Variants in C9orf85 observed in about 807,000 individuals in gnomAD.
The protein encoded by C9orf85 is chromosome 9 open reading frame 85.
A neutral mutation model predicts 14.9 loss-of-function variants in C9orf85; 16 were observed. That is an observed-to-expected ratio of 1.08 (90% confidence interval 0.73 to 1.63). C9orf85 has a LOEUF of 1.63. C9orf85 is among the 40% of genes most tolerant of loss of function. The probability of loss-of-function intolerance (pLI) is 0.00; values close to 1 mark genes in which losing one functional copy is unlikely to be tolerated. For synonymous variants in C9orf85, 45 were observed against 56.8 expected, an observed-to-expected ratio of 0.79 and a Z score of 0.93; for missense variants, 172 against 186.1, an observed-to-expected ratio of 0.92 and a Z score of 0.44.
chr9:71,943,712 T>C (rs970850997), intron 1 of C9orf85, among the ~76,000 whole-genome samples: 2 of 151,832 alleles, frequency 1.3e-5, no homozygotes, highest in Non-Finnish European at 2.9e-5. Context: ...CGGCTAATTT[T>C]GTACTTTTAG....
At chr9:71,927,092 T>G (rs138058339) in intron 1 of C9orf85, among the ~76,000 whole-genome samples, 260 of 151,802 alleles carry the variant, frequency 1.7e-3, no homozygotes, top group African/African-American at 6.0e-3. Flanking sequence ...ACAAAAGAGG[T>G]TAACTACAAA....
At chr9:71,982,490 C>A (rs922616120) in intron 3 of C9orf85, among the ~76,000 whole-genome samples, 4 of 152,144 alleles carry the variant, frequency 2.6e-5, no homozygotes, top group African/African-American at 9.7e-5. Context: ...TAGCTGCACC[C>A]TTTTACAATC....
chr9:71,939,426 T>C (rs996737702), intron 1 of C9orf85, among the ~76,000 whole-genome samples: 4 of 152,072 alleles, frequency 2.6e-5, no homozygotes, highest in Admixed American at 2.0e-4. Context: ...ATGGAATTCA[T>C]CAATGTATAA....
In C9orf85 at chr9:71,924,974, G is replaced by T. The variant is rs181213361; in HGVS notation, c.102+13138G>T. ...TTACTTTTACATATGTAACACTGTT[G>T]CTTGAATTTAAACGCACCAATACAG... On this transcript the variant is annotated intron_variant, in intron 1 of 3. Coordinates refer to ENST00000334731, the MANE Select transcript of C9orf85 (RefSeq NM_182505.5). 3.4e-4 allele frequency among the ~76,000 whole-genome samples: 51 copies of T among 152,164 alleles called. No individual in the cohort carries two copies. The East Asian group carries it at 9.5e-3, about 28-fold the overall frequency.
chr9:71,952,427 C>T (rs1271550795), intron 2 of C9orf85, among the ~76,000 whole-genome samples: 1 of 152,124 alleles, frequency 6.6e-6, no homozygotes, highest in African/African-American at 2.4e-5. Flanking sequence ...TGCAGTGGCA[C>T]GATGTCAGCT....
At chr9:71,930,641 CAA>C (rs770465989) in intron 1 of C9orf85, among the ~76,000 whole-genome samples, 10 of 122,998 alleles carry the variant, frequency 8.1e-5, no homozygotes, top group Admixed American at 8.3e-5. Flanking sequence ...CTGTCTCTAC[CAA>C]AAAAAAAAAA....
chr9:71,977,796 C>T (rs1479972292), downstream of C9orf85, among the ~76,000 whole-genome samples: 3 of 152,104 alleles, frequency 2.0e-5, no homozygotes, highest in Admixed American at 6.6e-5. Flanking sequence ...CTGAATGTTA[C>T]AGGACCACTT....
At chr9:71,968,030 T>TA (rs1347840909) in intron 2 of C9orf85, among the ~76,000 whole-genome samples, 1 of 152,078 alleles carries the variant, frequency 6.6e-6, no homozygotes, top group Non-Finnish European at 1.5e-5. Flanking sequence ...TGAATTTTTT[T>TA]TATTGGCTTT....
chr9:71,921,928 T>TATTA lies in C9orf85; in HGVS notation c.102+10092_102+10093insATTA, dbSNP rs1554705989. 1.6e-3 allele frequency among the ~76,000 whole-genome samples: 180 copies of TATTA among 113,858 alleles called. 1 individual carries two copies. The highest frequency in any genetic ancestry group is 4.8e-3 in the African/African-American group (162 of 33,564). The allele number at this position is 113,858 out of a possible 152,430, so 74.7% of individuals were successfully genotyped here. On this transcript the variant is annotated intron_variant, in intron 1 of 3. Transcript: ENST00000334731. ...GTTTTGGTTGGCTTTTTATTTTTTT[T>TATTA]TTATTATTATTATTATTATTATTAT...
intron 2 of C9orf85, among the ~76,000 whole-genome samples, chr9:71,948,953 G>A (rs2132312560): frequency 6.6e-6 from 1 of 152,226 alleles, no homozygotes; most frequent in South Asian, 2.1e-4. Context: ...TTAGCAGTAA[G>A]GAAATTTGGC....
At chr9:71,982,743 C>G (rs1823120155) in exon 4 of C9orf85, 1 of 351,582 alleles carries the variant, frequency 2.8e-6, no homozygotes, top group South Asian at 2.2e-5. Flanking sequence ...TCAAGTGATT[C>G]TCCTGCCTCA....
At chr9:71,929,783 T>G (rs1043664700) in intron 1 of C9orf85, among the ~76,000 whole-genome samples, 4 of 151,366 alleles carry the variant, frequency 2.6e-5, no homozygotes, top group Non-Finnish European at 4.4e-5. Flanking sequence ...AAGTAGTATA[T>G]GTGTTTTATT....
Position 71,921,920 on chromosome 9 carries a change from AT to A in C9orf85, c.102+10094del, listed in dbSNP as rs148538016. On this transcript the variant is annotated intron_variant, in intron 1 of 3. Coordinates refer to ENST00000334731, the MANE Select transcript of C9orf85 (RefSeq NM_182505.5). Reference sequence around the variant, plus strand: ...ATTTATTTGTTTTGGTTGGCTTTTTATTTTTTTTTTATTATTATTATTATTA... The same window carrying A: ...ATTTATTTGTTTTGGTTGGCTTTTTATTTTTTTTTATTATTATTATTATTA... Among the ~76,000 whole-genome samples the A allele has an allele frequency of 1.6e-3, 232 of 146,814 alleles. 2 individuals carry two copies. The highest frequency in any genetic ancestry group is 5.9e-3 in the African/African-American group (232 of 39,174).
chr9:71,939,306 C>T (rs749674446), intron 1 of C9orf85, among the ~76,000 whole-genome samples: 20 of 151,596 alleles, frequency 1.3e-4, no homozygotes, highest in Non-Finnish European at 2.9e-4. Flanking sequence ...ACCTGAGAAC[C>T]AAAACAGACA....
chr9:71,978,995 G>A (rs183035797), intron 3 of C9orf85, among the ~76,000 whole-genome samples: 92 of 152,246 alleles, frequency 6.0e-4, no homozygotes, highest in South Asian at 1.2e-3. Flanking sequence ...AGGTTGCATC[G>A]CTGCACTCCA....
chr9:71,980,424 C>T (rs1366352933), intron 3 of C9orf85, among the ~76,000 whole-genome samples: 1 of 151,988 alleles, frequency 6.6e-6, no homozygotes, highest in East Asian at 1.9e-4. Flanking sequence ...TGAATTGGCC[C>T]TGGGGAAATT....
intron 3 of C9orf85, among the ~76,000 whole-genome samples, chr9:71,982,152 T>C (rs889673552): frequency 6.6e-6 from 1 of 152,210 alleles, no homozygotes; most frequent in African/African-American, 2.4e-5. Flanking sequence ...ATAAAATATG[T>C]AGTCTTTGAG....
At chr9:71,925,470 G>GA (rs1395066170) in intron 1 of C9orf85, among the ~76,000 whole-genome samples, 1 of 152,126 alleles carries the variant, frequency 6.6e-6, no homozygotes, top group Non-Finnish European at 1.5e-5. Context: ...GAAAAAGAAA[G>GA]AAAAAAAGAA....
rs546890458 is a variant in C9orf85 at position 71,911,746 on chromosome 9, G to T, written c.12G>T (p.Gln4His). MSS[Q>H]KGNVARSRPQ... ...CTTTGATTTCGGCGATGAGCTCCCA[G>T]AAAGGCAACGTGGCTCGTTCCAGAC... is the stretch of plus-strand genomic sequence containing the variant. Residue 4 changes from glutamine to histidine, a missense_variant, in exon 1 of 4, where the codon CAG (glutamine) becomes CAT (histidine). Transcript: ENST00000334731. 6.2e-7 allele frequency: 1 copy of T among 1,614,034 alleles called. No homozygotes were observed. Among genetic ancestry groups the T allele is most frequent in the East Asian group, 2.2e-5 (1 of 44,894 alleles).
Sources: allele counts gnomAD v4.1 joint callset (sites outside exome capture counted in the v4.1 genomes callset), GRCh38; gene constraint gnomAD v4.1.1; transcripts MANE v1.5; gene names NCBI Gene and HGNC (gene_info 2026-07-23, HGNC 2026-07-21).